Variants in ADAMTSL1 observed in about 807,000 individuals in gnomAD.
ADAMTSL1 encodes the protein ADAMTS like 1, also known as ADAMTS-like protein 1.
Under a neutral mutation model 201.8 loss-of-function variants are expected in ADAMTSL1, and 126 were observed. The observed-to-expected ratio is 0.62, with a 90% CI of 0.54 to 0.72. ADAMTSL1 has a LOEUF of 0.72. Among genes scored for constraint, ADAMTSL1 ranks in the 30% least tolerant of loss-of-function variants. The pLI is 0.00. For synonymous variants in ADAMTSL1, 1,121 were observed against 903.4 expected (o/e 1.24, Z -4.32); for missense variants, 2,679 against 2,277.8 (o/e 1.18, Z -3.59).
At chr9:18,092,319 C>G (rs559774555) in intron 1 of ADAMTSL1, among the ~76,000 whole-genome samples, 1 of 151,856 alleles carries the variant, frequency 6.6e-6, no homozygotes. Flanking sequence ...TCTGGGAAGG[C>G]GAGGAAGGCT....
intron 2 of ADAMTSL1, among the ~76,000 whole-genome samples, chr9:18,176,520 T>G (rs148748706): frequency 2.0e-5 from 3 of 152,302 alleles, no homozygotes; most frequent in African/African-American, 7.2e-5. Context: ...AATACATATC[T>G]TCATTAATCT....
rs187689594 is a variant in ADAMTSL1, at chr9:18,737,082, G to C, written c.2006+15417G>C. On this transcript the variant is annotated intron_variant, in intron 15 of 28. Transcript: ENST00000380548. ...GCCTGTAATCCCAACACTTTGGAAG[G>C]CCGAGGCAGGTGGGTCACCTGAGGT... Among the ~76,000 whole-genome samples, 843 of 152,266 alleles carry C rather than the reference G, an allele frequency of 5.5e-3. 5 individuals carry two copies. Among genetic ancestry groups the C allele is most frequent in the Non-Finnish European group, 7.9e-3 (536 of 68,014 alleles).
intron 2 of ADAMTSL1, among the ~76,000 whole-genome samples, chr9:18,176,589 C>G (rs1352875985): frequency 1.3e-5 from 2 of 152,028 alleles, no homozygotes; most frequent in Non-Finnish European, 2.9e-5. Context: ...GCAGTTTTTC[C>G]AGGGTCACAA....
At chr9:17,908,416 C>T (rs1825805016) in intron 1 of ADAMTSL1, among the ~76,000 whole-genome samples, 1 of 151,576 alleles carries the variant, frequency 6.6e-6, no homozygotes, top group South Asian at 2.1e-4. Flanking sequence ...TGTTCTGCAG[C>T]TGGGTTAAAA....
chr9:17,943,312 A>G (rs1428834253), intron 1 of ADAMTSL1, among the ~76,000 whole-genome samples: 1 of 152,126 alleles, frequency 6.6e-6, no homozygotes, highest in Non-Finnish European at 1.5e-5. Context: ...TTCCTTAAAG[A>G]TTAACATATT....
At chr9:18,571,629 AG>A (rs1314863610) in intron 3 of ADAMTSL1, among the ~76,000 whole-genome samples, 1 of 152,246 alleles carries the variant, frequency 6.6e-6, no homozygotes, top group East Asian at 1.9e-4. Flanking sequence ...CATGCTAAGC[AG>A]GAGAGAGCAG....
intron 2 of ADAMTSL1, among the ~76,000 whole-genome samples, chr9:18,465,456 C>T (rs1344754443): frequency 1.3e-5 from 2 of 152,126 alleles, no homozygotes; most frequent in Non-Finnish European, 2.9e-5. Context: ...AAGGTTACTT[C>T]GTGGTTCTAG....
chr9:18,524,176 T>C (rs1437241184), intron 2 of ADAMTSL1, among the ~76,000 whole-genome samples: 1 of 152,220 alleles, frequency 6.6e-6, no homozygotes, highest in Admixed American at 6.5e-5. Context: ...TAAGTTGGAT[T>C]CCTAGGTATT....
intron 2 of ADAMTSL1, among the ~76,000 whole-genome samples, chr9:18,176,802 T>C (rs1485974465): frequency 2.0e-5 from 3 of 152,188 alleles, no homozygotes; most frequent in East Asian, 3.8e-4. Flanking sequence ...ATTTTTGTTT[T>C]TAGGTCAGCT....
chr9:18,099,247 G>C (rs1219984505), intron 1 of ADAMTSL1, among the ~76,000 whole-genome samples: 1 of 144,186 alleles, frequency 6.9e-6, no homozygotes, highest in African/African-American at 2.6e-5. Flanking sequence ...CTGGGGTGTT[G>C]CTCCTGAAAA....
chr9:18,153,163 C>T lies in ADAMTSL1; in HGVS notation c.88-10699C>T, dbSNP rs76401911. On this transcript the variant is annotated intron_variant, in intron 1 of 29. Transcript: ENST00000680146. ...TGAGCTTGCAGTCAGCTATGATCCACGTCATCCACATCCTATACTTGCCAA... is the reference window on the plus strand; with the variant it reads ...TGAGCTTGCAGTCAGCTATGATCCATGTCATCCACATCCTATACTTGCCAA... Among the ~76,000 whole-genome samples, 730 of 152,160 alleles carry T rather than the reference C, an allele frequency of 4.8e-3. 10 individuals carry two copies. The highest frequency in any genetic ancestry group is 3.6e-3 in the Non-Finnish European group (247 of 67,980).
intron 2 of ADAMTSL1, among the ~76,000 whole-genome samples, chr9:18,523,320 C>A (rs1402791692): frequency 6.6e-6 from 1 of 151,892 alleles, no homozygotes; most frequent in African/African-American, 2.4e-5. Context: ...TGTTTGAATT[C>A]TTTTTAGATT....
chr9:18,498,823 C>T (rs915032164), intron 1 of ADAMTSL1, among the ~76,000 whole-genome samples: 1 of 152,316 alleles, frequency 6.6e-6, no homozygotes, highest in South Asian at 2.1e-4. Context: ...AAAAAAAATT[C>T]TCACCTGACC....
At chr9:18,776,211 G>A (rs2133749098) in intron 18 of ADAMTSL1, among the ~76,000 whole-genome samples, 1 of 152,070 alleles carries the variant, frequency 6.6e-6, no homozygotes, top group South Asian at 2.1e-4. Flanking sequence ...ATCCACTCTG[G>A]GGTTTTAAAC....
At chr9:18,162,978 T>G (rs148519371) in intron 1 of ADAMTSL1, among the ~76,000 whole-genome samples, 18 of 152,092 alleles carry the variant, frequency 1.2e-4, no homozygotes, top group African/African-American at 4.3e-4. Context: ...TTCTCAACAA[T>G]GCAACATTGT....
chr9:18,333,469 C>G (rs12379092), intron 2 of ADAMTSL1, among the ~76,000 whole-genome samples: 5 of 152,130 alleles, frequency 3.3e-5, no homozygotes, highest in African/African-American at 1.2e-4. Flanking sequence ...GTGAGTCAAA[C>G]CTCTTTTATT....
intron 26 of ADAMTSL1, among the ~76,000 whole-genome samples, chr9:18,902,676 C>T (rs975494481): frequency 3.3e-5 from 5 of 152,070 alleles, no homozygotes; most frequent in African/African-American, 7.2e-5. Context: ...AACAACTTAA[C>T]TTCACACCTT....
At chr9:18,624,545 G>A (rs1826239393) in intron 5 of ADAMTSL1, among the ~76,000 whole-genome samples, 1 of 152,218 alleles carries the variant, frequency 6.6e-6, no homozygotes, top group African/African-American at 2.4e-5. Flanking sequence ...TGTCATGCAT[G>A]TGTGCAGTGA....
chr9:17,989,243 A>G (rs973236954), intron 1 of ADAMTSL1, among the ~76,000 whole-genome samples: 1 of 151,826 alleles, frequency 6.6e-6, no homozygotes, highest in Non-Finnish European at 1.5e-5. Flanking sequence ...ACAAATTCTC[A>G]TCTTCTTATG....
Sources: allele counts gnomAD v4.1 joint callset (sites outside exome capture counted in the v4.1 genomes callset), GRCh38; gene constraint gnomAD v4.1.1; transcripts MANE v1.5; gene names NCBI Gene and HGNC (gene_info 2026-07-23, HGNC 2026-07-21).